NR5A2: variants seen among roughly 807,000 people sequenced by gnomAD.
The protein encoded by NR5A2 is CYP7A promoter-binding factor.
NR5A2 carries 26 observed loss-of-function variants against 62.7 expected under a neutral mutation model. That is an observed-to-expected ratio of 0.41 (90% CI 0.30 to 0.58). The LOEUF (loss-of-function observed/expected upper bound fraction) is 0.58, where lower values mean the gene tolerates loss of function less well. Among genes scored for constraint, NR5A2 ranks in the 20% least tolerant of loss-of-function variants. The pLI is 0.22. For missense variants in NR5A2, 541 were observed against 669.1 expected (o/e 0.81, Z 2.11); for synonymous variants, 246 against 241.7 (o/e 1.02, Z -0.16).
intron 7 of NR5A2, among the ~76,000 whole-genome samples, chr1:200,138,655 C>T (rs1310379694): frequency 6.6e-6 from 1 of 151,990 alleles, no homozygotes. Flanking sequence ...CAGTTTTTCC[C>T]ACACTGCTTA....
chr1:200,112,513 A>G (rs761937536), intron 6 of NR5A2, among the ~76,000 whole-genome samples: 8 of 152,182 alleles, frequency 5.3e-5, no homozygotes, highest in Non-Finnish European at 8.8e-5. Flanking sequence ...CAGCAATGCT[A>G]TTTGGAAATG....
At chr1:200,042,740 T>A in intron 2 of NR5A2, 66 of 645,414 alleles carry the variant, frequency 1.0e-4, no homozygotes, top group Non-Finnish European at 1.2e-4. Flanking sequence ...CGCGCTCCCA[T>A]ACTTGACCTG....
At chr1:200,166,581 C>T (rs1002268391) in intron 7 of NR5A2, among the ~76,000 whole-genome samples, 3 of 152,098 alleles carry the variant, frequency 2.0e-5, no homozygotes, top group African/African-American at 7.2e-5. Context: ...CCAACTCCAG[C>T]AAGTGACAGA....
At chr1:200,136,295 C>T (rs12123955) in intron 7 of NR5A2, among the ~76,000 whole-genome samples, 10,386 of 151,940 alleles carry the variant, frequency 0.068, 416 homozygotes, top group Non-Finnish European at 0.087. Flanking sequence ...CTCTGCTCAC[C>T]GCAACCTCCG....
At chr1:200,067,550 CTG>C (rs1663546406) in intron 5 of NR5A2, among the ~76,000 whole-genome samples, 1 of 152,082 alleles carries the variant, frequency 6.6e-6, no homozygotes, top group African/African-American at 2.4e-5. Context: ...GAGTGAAACT[CTG>C]TCTCAAAGAA....
intron 7 of NR5A2, among the ~76,000 whole-genome samples, chr1:200,128,615 A>G (rs2821337): frequency 0.89 from 135,190 of 152,192 alleles, 60,073 homozygotes; most frequent in East Asian, 0.98. Context: ...TTCCCCTCTG[A>G]CAGTCACTGG....
intron 5 of NR5A2, among the ~76,000 whole-genome samples, chr1:200,060,363 C>T (rs1663146453): frequency 2.6e-5 from 4 of 152,060 alleles, no homozygotes; most frequent in Non-Finnish European, 5.9e-5. Flanking sequence ...TAAATAGACC[C>T]CAGAGAAGGG....
At chr1:200,139,484 T>G (rs1258654016) in intron 7 of NR5A2, among the ~76,000 whole-genome samples, 1 of 152,204 alleles carries the variant, frequency 6.6e-6, no homozygotes, top group Non-Finnish European at 1.5e-5. Flanking sequence ...GTGTTGTCTA[T>G]TTTAGTAGTC....
In NR5A2 at chr1:200,039,291, A is replaced by G. The variant is rs929719364; in HGVS notation, c.65-367A>G. On this transcript the variant is annotated intron_variant, in intron 1 of 7. Coordinates refer to ENST00000367362, the MANE Select transcript of NR5A2 (RefSeq NM_205860.3). This position sits in a 1 kb window ranked among gnomAD's most constrained non-coding sequence, Gnocchi z 5.1. The stretch of plus-strand genomic sequence containing the variant: ...GCCCGAGCCGTCCGGGAGCAGTGGC[A>G]GCGGCACAGCCGGGGCGGCAATAGC... 1.3e-5 allele frequency among the ~76,000 whole-genome samples: 2 copies of G among 152,042 alleles called. No individual in the cohort carries two copies. The highest frequency in any genetic ancestry group is 4.8e-5 in the African/African-American group (2 of 41,408).
At chr1:200,035,368 G>A (rs948772882) in intron 1 of NR5A2, among the ~76,000 whole-genome samples, 17 of 152,040 alleles carry the variant, frequency 1.1e-4, no homozygotes, top group South Asian at 1.0e-3. Flanking sequence ...AGATGTGTCT[G>A]CCACACCTTT....
chr1:200,075,636 C>A (rs1327188843), intron 5 of NR5A2, among the ~76,000 whole-genome samples: 1 of 152,228 alleles, frequency 6.6e-6, no homozygotes, highest in African/African-American at 2.4e-5. Context: ...AAACCGTTAC[C>A]GTTGTAGCAC....
chr1:200,069,152 A>G (rs1663625616), intron 5 of NR5A2, among the ~76,000 whole-genome samples: 1 of 151,984 alleles, frequency 6.6e-6, no homozygotes, highest in Non-Finnish European at 1.5e-5. Flanking sequence ...GTTCAATTTC[A>G]CTCTCCTTAC....
At chr1:200,087,676 T>C (rs1664618887) in intron 5 of NR5A2, among the ~76,000 whole-genome samples, 2 of 152,124 alleles carry the variant, frequency 1.3e-5, no homozygotes, top group African/African-American at 4.8e-5. Context: ...ATTACAGGAG[T>C]GAGCCACCGC....
rs1661924164 is a variant in NR5A2 at position 200,039,141 on chromosome 1, AGAGAGGCAGAGAGAGATAGG to A, written c.65-515_65-496del. Among the ~76,000 whole-genome samples, 20 of 152,058 alleles carry A rather than the reference AGAGAGGCAGAGAGAGATAGG, an allele frequency of 1.3e-4. No individual in the cohort carries two copies. The highest frequency in any genetic ancestry group is 1.3e-3 in the Admixed American group (20 of 15,270). On this transcript the variant is annotated intron_variant, in intron 1 of 7. Coordinates refer to ENST00000367362, the MANE Select transcript of NR5A2 (RefSeq NM_205860.3). The surrounding 1 kb of genome is among the most constrained non-coding windows in gnomAD (Gnocchi z 5.1). ...CTCCACACTTGCGATAGTGAGCAAG[AGAGAGGCAGAGAGAGATAGG>A]GGGAAGGGGCGGAGAGGAGGGGAGA...
chr1:200,104,697 C>T (rs751655039), intron 5 of NR5A2, among the ~76,000 whole-genome samples: 11 of 152,168 alleles, frequency 7.2e-5, no homozygotes, highest in Non-Finnish European at 8.8e-5. Flanking sequence ...GAGTCTCACT[C>T]CGTCACCCAG....
At chr1:200,067,968 C>A (rs1663572214) in intron 5 of NR5A2, among the ~76,000 whole-genome samples, 1 of 152,116 alleles carries the variant, frequency 6.6e-6, no homozygotes, top group Non-Finnish European at 1.5e-5. Context: ...TGAAATATTA[C>A]CTTTAAAGGT....
intron 7 of NR5A2, among the ~76,000 whole-genome samples, chr1:200,154,659 A>G (rs1653293499): frequency 1.3e-5 from 2 of 152,236 alleles, no homozygotes; most frequent in Non-Finnish European, 2.9e-5. Flanking sequence ...TTTGAATCTG[A>G]CCTGGGCAAC....
intron 5 of NR5A2, among the ~76,000 whole-genome samples, chr1:200,060,939 T>TAAAAAAAAAA (rs60736317): frequency 4.6e-4 from 40 of 87,786 alleles, no homozygotes; most frequent in African/African-American, 5.5e-4. Flanking sequence ...CCATCTCTAC[T>TAAAAAAAAAA]AAAAAAAAAA....
intron 7 of NR5A2, 122 bp downstream of exon 7, chr1:200,121,077 ATGAAATCT>A: frequency 9.7e-7 from 1 of 1,025,660 alleles, no homozygotes; most frequent in South Asian, 1.5e-5. Context: ...CTGTCAAATT[ATGAAATCT>A]TCAAACGTGA....
Sources: allele counts gnomAD v4.1 joint callset (sites outside exome capture counted in the v4.1 genomes callset), GRCh38; gene constraint gnomAD v4.1.1; non-coding constraint Gnocchi (gnomAD v3.1); transcripts MANE v1.5; gene names NCBI Gene and HGNC (gene_info 2026-07-23, HGNC 2026-07-21).